CALN1: variants seen among roughly 807,000 people sequenced by gnomAD.
CALN1 encodes calcium-binding protein 8.
In CALN1, 17 loss-of-function variants were observed where a neutral mutation model predicts 30.6. That is an observed-to-expected ratio of 0.56 (90% CI 0.38 to 0.83). The LOEUF is 0.83. CALN1 is among the 40% of genes least tolerant of loss of function. The pLI, the probability that CALN1 is intolerant of heterozygous loss-of-function variation, is 0.00. For missense variants in CALN1, 291 were observed against 354.9 expected, an observed-to-expected ratio of 0.82 and a Z score of 1.45; for synonymous variants, 156 against 131.4, an observed-to-expected ratio of 1.19 and a Z score of -1.28.
intron 4 of CALN1, among the ~76,000 whole-genome samples, chr7:72,038,861 C>A (rs1801960524): frequency 6.6e-6 from 1 of 152,214 alleles, no homozygotes; most frequent in Non-Finnish European, 1.5e-5. Context: ...CCTGGTTTAG[C>A]GTATCATCAA....
intron 3 of CALN1, among the ~76,000 whole-genome samples, chr7:72,277,958 T>C (rs566500007): frequency 7.3e-6 from 1 of 136,830 alleles, no homozygotes; most frequent in Non-Finnish European, 1.5e-5. Context: ...CCTCAGCCGA[T>C]GTAGTACCTA....
intron 2 of CALN1, among the ~76,000 whole-genome samples, chr7:72,396,772 G>C (rs1292589840): frequency 1.3e-5 from 2 of 152,154 alleles, no homozygotes; most frequent in Non-Finnish European, 2.9e-5. Flanking sequence ...AGTGAGTCGG[G>C]GTTGAAATAG....
rs565534395 is a variant in CALN1 at position 71,790,155 on chromosome 7, A to G, written c.659-2253T>C. 3.9e-3 allele frequency among the ~76,000 whole-genome samples: 488 copies of G among 125,710 alleles called. 3 individuals carry two copies. Among genetic ancestry groups the G allele is most frequent in the African/African-American group, 0.014 (463 of 32,116 alleles). 82.5% of individuals were successfully genotyped at this position (125,710 alleles called of 152,430 possible). ...AAGAAAGAAGAAAGAAAGAAGAAAG[A>G]GAAAGAAAAAGAAAAAGAAAGAATC... On this transcript the variant is annotated intron_variant, in intron 6 of 6. Coordinates refer to ENST00000395275, the MANE Select transcript of CALN1 (RefSeq NM_031468.4).
the CALN1 span, among the ~76,000 whole-genome samples, chr7:72,495,751 GA>G: frequency 6.6e-6 from 1 of 152,206 alleles, no homozygotes; most frequent in Admixed American, 6.5e-5. Context: ...AAATACAATT[GA>G]AAAGATGTGA....
At position 72,309,348 on chromosome 7, in the gene CALN1, CA is replaced by C. The variant is rs553201518; in HGVS notation, c.120-30539del. ...TGAAACATACACATCAGTCTGTGTGCAAATAAATCCACTGGCACCCAAGAAG... is the reference window on the plus strand; with the variant it reads ...TGAAACATACACATCAGTCTGTGTGCAATAAATCCACTGGCACCCAAGAAG... On this transcript the variant is annotated intron_variant, in intron 2 of 6. Coordinates refer to ENST00000395275, the MANE Select transcript of CALN1 (RefSeq NM_031468.4). Among the ~76,000 whole-genome samples the C allele has an allele frequency of 5.6e-4, 85 of 152,218 alleles. No individual in the cohort carries two copies. The South Asian group carries it at 0.013, about 23-fold the overall frequency.
At chr7:72,288,368 T>G (rs1371218980) in intron 2 of CALN1, among the ~76,000 whole-genome samples, 1 of 152,140 alleles carries the variant, frequency 6.6e-6, no homozygotes, top group Non-Finnish European at 1.5e-5. Context: ...CCCAAGCAAG[T>G]GATCAAAGAC....
chr7:72,503,724 TCTC>T, the CALN1 span, among the ~76,000 whole-genome samples: 2 of 152,028 alleles, frequency 1.3e-5, no homozygotes, highest in African/African-American at 4.8e-5. Context: ...ACAGCCATGA[TCTC>T]CTCTCCAGCA....
intron 2 of CALN1, among the ~76,000 whole-genome samples, chr7:72,342,802 G>GTAGA (rs1242314716): frequency 2.0e-5 from 3 of 152,004 alleles, no homozygotes; most frequent in African/African-American, 7.2e-5. Context: ...ACACCCAAGG[G>GTAGA]TAGAGGGTGA....
intron 2 of CALN1, among the ~76,000 whole-genome samples, chr7:72,396,777 A>T (rs758351906): frequency 4.6e-5 from 7 of 152,204 alleles, no homozygotes; most frequent in Non-Finnish European, 8.8e-5. Flanking sequence ...GTCGGGGTTG[A>T]AATAGTCATG....
intron 5 of CALN1, among the ~76,000 whole-genome samples, chr7:72,016,996 T>TAAAAAAAAAAAAAAAAA (rs1800418372): frequency 3.8e-5 from 1 of 26,564 alleles, no homozygotes; most frequent in Non-Finnish European, 6.5e-5. Flanking sequence ...TTACTAAAAA[T>TAAAAAAAAAAAAAAAAA]ACAAAAAAAA....
chr7:72,191,987 G>A (rs1003321751), intron 3 of CALN1, among the ~76,000 whole-genome samples: 18 of 151,924 alleles, frequency 1.2e-4, no homozygotes, highest in Non-Finnish European at 2.1e-4. Flanking sequence ...TACCTTTAAC[G>A]GCAAAAACCA....
chr7:72,008,040 A>T (rs1044624189), intron 5 of CALN1, among the ~76,000 whole-genome samples: 1 of 152,212 alleles, frequency 6.6e-6, no homozygotes, highest in African/African-American at 2.4e-5. Flanking sequence ...AAATGAGGAC[A>T]TTCATGATTT....
chr7:71,946,146 T>C (rs1330612324), intron 5 of CALN1, among the ~76,000 whole-genome samples: 2 of 152,096 alleles, frequency 1.3e-5, no homozygotes, highest in African/African-American at 2.4e-5. Context: ...CTTAGGGAAA[T>C]GGTAGATGTT....
At chr7:72,051,858 G>C (rs1802856831) in intron 4 of CALN1, among the ~76,000 whole-genome samples, 1 of 152,152 alleles carries the variant, frequency 6.6e-6, no homozygotes. Flanking sequence ...ATTCCTTCAG[G>C]ACTTTTTAGA....
chr7:72,017,271 T>A (rs1299826551), intron 5 of CALN1, among the ~76,000 whole-genome samples: 1 of 149,954 alleles, frequency 6.7e-6, no homozygotes, highest in Non-Finnish European at 1.5e-5. Context: ...AGACAAAAGG[T>A]AAAGCCTTTC....
intron 6 of CALN1, among the ~76,000 whole-genome samples, chr7:71,791,548 T>G (rs1193574046): frequency 6.6e-6 from 1 of 152,014 alleles, no homozygotes; most frequent in Non-Finnish European, 1.5e-5. Context: ...TGGGGCCCAC[T>G]TGAGGATGGA....
At chr7:71,896,897 T>C (rs1793561019) in intron 5 of CALN1, among the ~76,000 whole-genome samples, 1 of 152,158 alleles carries the variant, frequency 6.6e-6, no homozygotes, top group Non-Finnish European at 1.5e-5. Context: ...GGTTCTCTTC[T>C]GCAGAGCATT....
intron 4 of CALN1, among the ~76,000 whole-genome samples, chr7:72,027,916 G>T (rs1401430498): frequency 6.7e-6 from 1 of 149,594 alleles, no homozygotes; most frequent in Non-Finnish European, 1.5e-5. Flanking sequence ...AAAATTAGCC[G>T]GGCGTGGTGG....
chr7:71,786,842 C>T lies in CALN1; in HGVS notation c.*933G>A, dbSNP rs1379890004. 2 of 152,530 alleles carry T rather than the reference C, an allele frequency of 1.3e-5. No homozygotes were observed. Among genetic ancestry groups the T allele is most frequent in the Non-Finnish European group, 2.9e-5 (2 of 68,050 alleles). The allele number at this position is 152,530 out of a possible 1,614,324, so 9.4% of individuals were successfully genotyped here. A position where few individuals can be genotyped will look rare whatever the true frequency, so the allele number is the denominator to read the frequency against. ...TCACCGCCAGTCCCAGTCCCCTCCCCCCTCAACCTGCCTCACCCCTGCCCC... is the reference window on the plus strand; with the variant it reads ...TCACCGCCAGTCCCAGTCCCCTCCCTCCTCAACCTGCCTCACCCCTGCCCC... On this transcript the variant is annotated 3_prime_UTR_variant, in exon 7 of 7. Coordinates refer to ENST00000395275, the MANE Select transcript of CALN1 (RefSeq NM_031468.4).
Sources: allele counts gnomAD v4.1 joint callset (sites outside exome capture counted in the v4.1 genomes callset), GRCh38; gene constraint gnomAD v4.1.1; transcripts MANE v1.5; gene names NCBI Gene and HGNC (gene_info 2026-07-23, HGNC 2026-07-21).